The following DCHS1 variants were observed in gnomAD, a reference collection of about 807,000 sequenced individuals.
DCHS1 encodes the protein dachsous cadherin-related 1.
Under a neutral mutation model 213.9 loss-of-function variants are expected in DCHS1, and 78 were observed. The ratio of observed to expected loss-of-function variants is 0.36; its 90% CI spans 0.30 to 0.44. The LOEUF is 0.44. Among genes scored for constraint, DCHS1 ranks in the 20% least tolerant of loss-of-function variants. The pLI, the probability that DCHS1 is intolerant of heterozygous loss-of-function variation, is 1.00. For missense variants in DCHS1, 3,946 were observed against 4,395.9 expected (o/e 0.90, Z 2.89); for synonymous variants, 1,828 against 1,873.7 (o/e 0.98, Z 0.63).
intron 1 of DCHS1, 149 bp downstream of exon 1, chr11:6,655,414 G>T: frequency 2.6e-6 from 1 of 380,572 alleles, no homozygotes; most frequent in Non-Finnish European, 3.6e-6. Flanking sequence ...GTTCACGCCC[G>T]CCCGGGTCCC....
At chr11:6,643,742 C>A (rs543927808) in intron 1 of DCHS1, among the ~76,000 whole-genome samples, 1 of 152,306 alleles carries the variant, frequency 6.6e-6, no homozygotes, top group African/African-American at 2.4e-5. Flanking sequence ...TTGCTAATGA[C>A]TTTCCAATCT....
Position 6,630,518 on chromosome 11 carries a change from C to A in DCHS1, c.4276G>T (p.Val1426Leu). The A allele has an allele frequency of 6.5e-7, 1 of 1,538,972 alleles. No individual in the cohort carries two copies. Among genetic ancestry groups the A allele is most frequent in the South Asian group, 1.2e-5 (1 of 84,818 alleles). Residue 1426 changes from valine to leucine, a missense_variant, in exon 10 of 21, where the codon GTG (valine) becomes TTG (leucine). Val to Leu is a conservative substitution (Grantham distance 32, BLOSUM62 1). Transcript: ENST00000299441. ...GGCGCATGCTCATTCTCGTCCTGCA[C>A]TTGCACCTGCACTCGCAGCAGCCGC... ...GARLLRVQVQ[V>L]QDENEHAPAF...
rs1195788594 is a variant in DCHS1, at chr11:6,623,129, C to T, written c.8547G>A (p.Leu2849=). The stretch of plus-strand genomic sequence containing the variant: ...AGGGGGAAGAGGTGGCAAGGGAATA[C>T]AGAACCAGGCCATCGGCACCCCCAT... ...DEDGGADGLV[L]YSLATSSPYF... The change falls in exon 21 of 21, where the codon CTG becomes CTA. Residue 2849 remains leucine, a synonymous_variant. Transcript: ENST00000299441. 6.2e-7 allele frequency: 1 copy of T among 1,607,990 alleles called. No individual in the cohort carries two copies.
Position 6,633,523 on chromosome 11 carries a change from G to A in DCHS1, c.2344C>T (p.Pro782Ser). The A allele has an allele frequency of 1.3e-6, 2 of 1,585,742 alleles. No individual in the cohort carries two copies. Among genetic ancestry groups the A allele is most frequent in the Non-Finnish European group, 1.7e-6 (2 of 1,165,708 alleles). Residue 782 changes from proline (P) to serine (S), a missense_variant, in exon 5 of 21, where the codon CCT becomes TCT. Pro to Ser is a moderately conservative substitution (Grantham distance 74). This residue lies in a region of DCHS1 where 3,384 missense variants were observed against 3,780.1 expected (regional missense o/e 0.90). Transcript: ENST00000299441. ...PSARVDISIVPGTPTPPIFEQ... is the reference protein window; with the variant it reads ...PSARVDISIVSGTPTPPIFEQ... ...AATATGGGTGGTGTGGGGGTTCCAG[G>A]CACAATGCTGATGTCCACTCGGGCA... is the stretch of plus-strand genomic sequence containing the variant.
intron 1 of DCHS1, among the ~76,000 whole-genome samples, chr11:6,651,524 G>A (rs1856242280): frequency 6.6e-6 from 1 of 152,216 alleles, no homozygotes; most frequent in African/African-American, 2.4e-5. Flanking sequence ...GCTGAGCAGG[G>A]AGTGACATAG....
Position 6,622,126 on chromosome 11 carries a change from C to G in DCHS1, c.9550G>C (p.Ala3184Pro). The G allele has an allele frequency of 6.2e-7, 1 of 1,612,968 alleles. No individual in the cohort carries two copies. The highest frequency in any genetic ancestry group is 8.5e-7 in the Non-Finnish European group (1 of 1,179,824). Residue 3184 changes from alanine to proline, a missense_variant, in exon 21 of 21, where the codon GCT (alanine) becomes CCT (proline). Transcript: ENST00000299441. The surrounding 1 kb of genome is among the most constrained non-coding windows in gnomAD (Gnocchi z 5.4). ...GGCCGAGCTTCATCCTTGAGCCGAG[C>G]GATCTCTGTGAAGACACTGGCCAGT... Reference protein sequence around the residue: ...QPLASVFTEIARLKDEARPCP... With the variant: ...QPLASVFTEIPRLKDEARPCP...
At chr11:6,644,865 T>C (rs1346012142) in intron 1 of DCHS1, among the ~76,000 whole-genome samples, 3 of 152,232 alleles carry the variant, frequency 2.0e-5, no homozygotes, top group Admixed American at 1.3e-4. Flanking sequence ...TTCTCAGGTC[T>C]TTACAGATTT....
At position 6,625,774 on chromosome 11, in the gene DCHS1, A is replaced by G. The variant is rs767487549; in HGVS notation, c.6732-47T>C. The G allele has an allele frequency of 6.3e-7, 1 of 1,587,982 alleles. No homozygotes were observed. Among genetic ancestry groups the G allele is most frequent in the East Asian group, 2.2e-5 (1 of 44,580 alleles). On this transcript the variant is annotated intron_variant, in intron 17 of 20. Transcript: ENST00000299441. This position sits in a 1 kb window ranked among gnomAD's most constrained non-coding sequence, Gnocchi z 5.3. The stretch of plus-strand genomic sequence containing the variant: ...CGGGTGGGACATGGCAATAAGGGGG[A>G]ACTCTGGGCAGGGCCAGGAGGACTC...
At position 6,641,317 on chromosome 11, in the gene DCHS1, C is replaced by T. The variant is rs1391768843; in HGVS notation, c.297G>A (p.Gly99=). The T allele has an allele frequency of 6.2e-7, 1 of 1,613,576 alleles. No individual in the cohort carries two copies. Among genetic ancestry groups the T allele is most frequent in the African/African-American group, 1.3e-5 (1 of 74,930 alleles). ...GTDLAIDEHS[G]VVRTARVLDR... is the part of the protein sequence containing the mutation. ...CCAAGACACGGGCTGTACGGACGAC[C>T]CCACTGTGTTCGTCAATGGCCAGGT... The change falls in exon 2 of 21, where the codon GGG becomes GGA. Residue 99 remains glycine, a synonymous_variant. Transcript: ENST00000299441. This position sits in a 1 kb window ranked among gnomAD's most constrained non-coding sequence, Gnocchi z 7.1.
At chr11:6,649,852 T>G (rs746872566) in intron 1 of DCHS1, among the ~76,000 whole-genome samples, 1 of 152,084 alleles carries the variant, frequency 6.6e-6, no homozygotes, top group African/African-American at 2.4e-5. Context: ...ACCAGAATGT[T>G]GAAGGAGAAG....
In DCHS1 at chr11:6,622,057, C is replaced by T; in HGVS notation, c.9619G>A (p.Ala3207Thr). 6.2e-7 allele frequency: 1 copy of T among 1,611,570 alleles called. No homozygotes were observed. Among genetic ancestry groups the T allele is most frequent in the East Asian group, 2.2e-5 (1 of 44,814 alleles). ...PRIDPPPLITAVAHPGAKSVP... is the reference protein window; with the variant it reads ...PRIDPPPLITTVAHPGAKSVP... Reference sequence around the variant, plus strand: ...GACTTGGCTCCTGGGTGGGCCACGGCAGTGATGAGGGGTGGTGGGTCGATA... The same window carrying T: ...GACTTGGCTCCTGGGTGGGCCACGGTAGTGATGAGGGGTGGTGGGTCGATA... Residue 3207 changes from alanine to threonine, a missense_variant, in exon 21 of 21, where the codon GCC becomes ACC. Ala to Thr is a moderately conservative substitution (Grantham distance 58, BLOSUM62 0). This residue lies in a region of DCHS1 where 554 missense variants were observed against 590.2 expected (regional missense o/e 0.94). Coordinates refer to ENST00000299441, the MANE Select transcript of DCHS1 (RefSeq NM_003737.4). The surrounding 1 kb of genome is among the most constrained non-coding windows in gnomAD (Gnocchi z 5.4).
intron 10 of DCHS1, 32 bp from the exon 11 acceptor site, chr11:6,629,943 C>T: frequency 6.2e-7 from 1 of 1,604,910 alleles, no homozygotes; most frequent in Non-Finnish European, 8.5e-7. Context: ...TTGGTGGGGA[C>T]CCCAACACTC....
rs777817641 is a variant in DCHS1, at chr11:6,623,697, C to A, written c.7979G>T (p.Arg2660Leu). 2.5e-6 allele frequency: 4 copies of A among 1,613,674 alleles called. No individual in the cohort carries two copies. Among genetic ancestry groups the A allele is most frequent in the Non-Finnish European group, 3.4e-6 (4 of 1,179,888 alleles). The part of the protein sequence containing the change: ...FELDESSGTL[R>L]LAHALDCETQ... ...CTCACAGTCCAGGGCATGGGCCAGT[C>A]GCAAGGTGCCTGAGCTCTCATCCAG... The change falls in exon 21 of 21, where the codon CGA becomes CTA. Residue 2660 changes from arginine (R) to leucine (L), a missense_variant. Arg to Leu is a moderately radical substitution (Grantham distance 102). This residue lies in a region of DCHS1 where 3,384 missense variants were observed against 3,780.1 expected (regional missense o/e 0.90). Transcript: ENST00000299441.
At chr11:6,647,005 G>A (rs910680467) in intron 1 of DCHS1, among the ~76,000 whole-genome samples, 1 of 152,128 alleles carries the variant, frequency 6.6e-6, no homozygotes. Flanking sequence ...AACAGGCTGG[G>A]GGAGCTGGCA....
chr11:6,631,239 T>C (rs1855902422), intron 8 of DCHS1, 29 bp from the exon 9 acceptor site: 1 of 1,612,644 alleles, frequency 6.2e-7, no homozygotes, highest in Non-Finnish European at 8.5e-7. Context: ...AGATGAGGGC[T>C]TGGGGCCCAG....
At chr11:6,629,632 C>A (rs778652625) in intron 11 of DCHS1, 40 bp downstream of exon 11, 1 of 1,612,580 alleles carries the variant, frequency 6.2e-7, no homozygotes. Flanking sequence ...GTTTCTTGCC[C>A]CAGTCCATCC....
chr11:6,627,830 C>G lies in DCHS1; in HGVS notation c.5372-163G>C, dbSNP rs964079617. Among the ~76,000 whole-genome samples, 2 of 152,202 alleles carry G rather than the reference C, an allele frequency of 1.3e-5. No individual in the cohort carries two copies. The highest frequency in any genetic ancestry group is 4.8e-5 in the African/African-American group (2 of 41,438). ...AGTAAAAGAAGATACTATAAAGCAG[C>G]TGGTATCATTTGTGTGTGGTCTGGG... On this transcript the variant is annotated intron_variant, in intron 13 of 20. Transcript: ENST00000299441. This position sits in a 1 kb window ranked among gnomAD's most constrained non-coding sequence, Gnocchi z 5.4.
At chr11:6,633,385 C>A (rs1321729828) in intron 5 of DCHS1, 27 bp downstream of exon 5, 2 of 1,543,980 alleles carry the variant, frequency 1.3e-6, no homozygotes, top group South Asian at 1.2e-5. Context: ...GGGTCTGACA[C>A]CAAGTGGGTA....
rs1254315674 is a variant in DCHS1 at position 6,621,518 on chromosome 11, T to C, written c.*261A>G. 6 of 611,754 alleles carry C rather than the reference T, an allele frequency of 9.8e-6. No individual in the cohort carries two copies. In the South Asian group the frequency reaches 1.0e-4, roughly 10 times the overall value. 37.9% of individuals were successfully genotyped at this position (611,754 alleles called of 1,614,324 possible). A position where few individuals can be genotyped will look rare whatever the true frequency, so the allele number is the denominator to read the frequency against. On this transcript the variant is annotated 3_prime_UTR_variant, in exon 21 of 21. Transcript: ENST00000299441. ...TCAGGGTGCTGGTGCAGGGCAGGGA[T>C]CCCTCACTGAGGAGAACCCAGGGCT...
Sources: allele counts gnomAD v4.1 joint callset (sites outside exome capture counted in the v4.1 genomes callset), GRCh38; gene constraint gnomAD v4.1.1; regional missense constraint gnomAD v4.1.1; non-coding constraint Gnocchi (gnomAD v3.1); transcripts MANE v1.5; gene names NCBI Gene and HGNC (gene_info 2026-07-23, HGNC 2026-07-21).